Variants in VIPR1 observed in about 807,000 individuals in gnomAD.
The protein encoded by VIPR1 is vasoactive intestinal polypeptide receptor 1.
Under a neutral mutation model 58.8 loss-of-function variants are expected in VIPR1, and 59 were observed. The observed-to-expected ratio is 1.00, with a 90% CI of 0.81 to 1.25. VIPR1 has a LOEUF of 1.25. VIPR1 is among the 50% of genes most tolerant of loss of function. The pLI, the probability that VIPR1 is intolerant of heterozygous loss-of-function variation, is 0.00. For synonymous variants in VIPR1, 251 were observed against 242.1 expected, an observed-to-expected ratio of 1.04 and a Z score of -0.34; for missense variants, 626 against 602.7, an observed-to-expected ratio of 1.04 and a Z score of -0.40.
intron 7 of VIPR1, chr3:42,531,268 A>T (rs1418705700): frequency 4.8e-6 from 3 of 631,294 alleles, no homozygotes; most frequent in Non-Finnish European, 8.4e-6. Context: ...AGGTAGACAC[A>T]GCCCTTCAGG....
rs1411574115 is a variant in VIPR1, at chr3:42,532,295, G to GC, written c.977dup (p.Asp327ArgfsTer6). ...TCCGAATCCTGCTTCAGAAACTGCG[G>GC]CCCCCAGATATCAGGAAGAGTGACA... On this transcript the variant is annotated frameshift_variant, in exon 10 of 13. Transcript: ENST00000325123. LOFTEE classifies it high-confidence loss of function. 1 of 1,614,070 alleles carries GC rather than the reference G, an allele frequency of 6.2e-7. No homozygotes were observed. The highest frequency in any genetic ancestry group is 8.5e-7 in the Non-Finnish European group (1 of 1,180,016).
chr3:42,519,384 C>T, intron 3 of VIPR1, 54 bp downstream of exon 3: 1 of 1,484,024 alleles, frequency 6.7e-7, no homozygotes, highest in Non-Finnish European at 9.1e-7. Context: ...GGAGTGGGGA[C>T]TCACCTCTCA....
rs1296940004 is a variant in VIPR1 at position 42,532,242 on chromosome 3, G to A, written c.919G>A (p.Val307Ile). The A allele has an allele frequency of 1.9e-6, 3 of 1,614,106 alleles. No homozygotes were observed. Among genetic ancestry groups the A allele is most frequent in the Middle Eastern group, 1.6e-4 (1 of 6,062 alleles). Residue 307 changes from valine to isoleucine, a missense_variant and splice_region_variant, in exon 10 of 13, where the codon GTA becomes ATA. Coordinates refer to ENST00000325123, the MANE Select transcript of VIPR1 (RefSeq NM_004624.4). ...CCGAACTCGGGTCCCCACCCACTAGGTAAACTTCATCCTGTTTATTTGCAT... is the reference window on the plus strand; with the variant it reads ...CCGAACTCGGGTCCCCACCCACTAGATAAACTTCATCCTGTTTATTTGCAT... ...IKGPILTSIL[V>I]NFILFICIIR...
chr3:42,528,850 C>T (rs1320287776), intron 6 of VIPR1, among the ~76,000 whole-genome samples: 1 of 152,182 alleles, frequency 6.6e-6, no homozygotes, highest in African/African-American at 2.4e-5. Context: ...AGAGGCAGTG[C>T]ATTATATCAG....
chr3:42,527,950 C>T (rs528103416), intron 5 of VIPR1, 41 bp from the exon 6 acceptor site: 1 of 1,602,670 alleles, frequency 6.2e-7, no homozygotes, highest in Non-Finnish European at 8.5e-7. Flanking sequence ...GGTGGGGATC[C>T]AAGGCCCCTT....
chr3:42,514,976 A>G (rs1360806992), intron 2 of VIPR1, among the ~76,000 whole-genome samples: 1 of 152,102 alleles, frequency 6.6e-6, no homozygotes, highest in African/African-American at 2.4e-5. Flanking sequence ...TCCCATGGGG[A>G]GTGGGGCATG....
chr3:42,496,363 G>C (rs1261827755), intron 1 of VIPR1, among the ~76,000 whole-genome samples: 1 of 152,142 alleles, frequency 6.6e-6, no homozygotes, highest in African/African-American at 2.4e-5. Flanking sequence ...ATCCATAAAA[G>C]TTACATAGTA....
At chr3:42,515,059 GC>G (rs1700556727) in intron 2 of VIPR1, among the ~76,000 whole-genome samples, 1 of 152,158 alleles carries the variant, frequency 6.6e-6, no homozygotes, top group South Asian at 2.1e-4. Flanking sequence ...AGATGGCTGG[GC>G]CCGTTCTGGG....
At chr3:42,491,502 A>G (rs1332040470) in intron 1 of VIPR1, among the ~76,000 whole-genome samples, 1 of 152,248 alleles carries the variant, frequency 6.6e-6, no homozygotes, top group Non-Finnish European at 1.5e-5. Context: ...TGATGGGTGC[A>G]TGGAAGATCA....
intron 3 of VIPR1, among the ~76,000 whole-genome samples, chr3:42,523,604 TACACACAC>T (rs60726747): frequency 3.9e-5 from 5 of 129,824 alleles, no homozygotes; most frequent in South Asian, 2.5e-4. Context: ...CCTCCGCCAC[TACACACAC>T]ACACACACAC....
At chr3:42,502,909 G>T (rs868319589) in intron 1 of VIPR1, 96 bp downstream of exon 1, 22 of 995,922 alleles carry the variant, frequency 2.2e-5, no homozygotes, top group Non-Finnish European at 2.7e-5. Flanking sequence ...GTCTGTGCGC[G>T]TGTCTGTGTA....
At chr3:42,516,587 C>G (rs779109430) in intron 2 of VIPR1, 1 of 152,316 alleles carries the variant, frequency 6.6e-6, no homozygotes, top group East Asian at 1.9e-4. Context: ...CGGATTCACT[C>G]CCTGGCCTGT....
intron 3 of VIPR1, among the ~76,000 whole-genome samples, chr3:42,523,822 T>C (rs1701086584): frequency 6.9e-6 from 1 of 145,080 alleles, no homozygotes; most frequent in African/African-American, 2.7e-5. Flanking sequence ...CTTAATCCTC[T>C]TTTTTTTTTC....
intron 8 of VIPR1, 100 bp downstream of exon 8, chr3:42,531,631 C>T: frequency 3.2e-6 from 5 of 1,568,094 alleles, no homozygotes; most frequent in Non-Finnish European, 4.4e-6. Context: ...GGACAAAAAC[C>T]ACAGCTCTCG....
chr3:42,505,362 G>C (rs1335562155), intron 1 of VIPR1, among the ~76,000 whole-genome samples: 4 of 152,236 alleles, frequency 2.6e-5, no homozygotes, highest in African/African-American at 9.6e-5. Flanking sequence ...GACTGGGAGA[G>C]GCTCGACTTC....
chr3:42,526,596 A>G (rs930596656), intron 4 of VIPR1, among the ~76,000 whole-genome samples: 2 of 151,992 alleles, frequency 1.3e-5, no homozygotes, highest in Admixed American at 6.5e-5. Flanking sequence ...CCCCACCCTC[A>G]GGCGCCCTTC....
At chr3:42,519,119 G>C (rs1488482515) in intron 2 of VIPR1, 104 bp from the exon 3 acceptor site, 2 of 923,996 alleles carry the variant, frequency 2.2e-6, no homozygotes, top group South Asian at 2.2e-5. Flanking sequence ...TGAGGTGGGA[G>C]CCTGGCAGAG....
upstream of VIPR1, among the ~76,000 whole-genome samples, chr3:42,499,757 G>A (rs1699831775): frequency 6.6e-6 from 1 of 151,998 alleles, no homozygotes; most frequent in African/African-American, 2.4e-5. Context: ...TAGTCCGTCG[G>A]CCCCCCCTCT....
At chr3:42,518,061 T>C (rs1700725340) in intron 2 of VIPR1, among the ~76,000 whole-genome samples, 1 of 152,088 alleles carries the variant, frequency 6.6e-6, no homozygotes, top group African/African-American at 2.4e-5. Flanking sequence ...TTCACTATCA[T>C]AATATGAAAT....
Sources: allele counts gnomAD v4.1 joint callset (sites outside exome capture counted in the v4.1 genomes callset), GRCh38; gene constraint gnomAD v4.1.1; transcripts MANE v1.5; gene names NCBI Gene and HGNC (gene_info 2026-07-23, HGNC 2026-07-21).